KCNH8: variants seen among roughly 807,000 people sequenced by gnomAD.
KCNH8 encodes the protein voltage-gated delayed rectifier potassium channel KCNH8.
KCNH8 carries 70 observed loss-of-function variants against 103.6 expected under a neutral mutation model. The ratio of observed to expected loss-of-function variants is 0.68; its 90% CI spans 0.56 to 0.82. The LOEUF is 0.82. KCNH8 is among the 40% of genes least tolerant of loss of function. KCNH8 has a pLI of 0.00. For missense variants in KCNH8, 1,217 were observed against 1,329.9 expected (o/e 0.92, Z 1.32); for synonymous variants, 498 against 489.4 (o/e 1.02, Z -0.23).
chr3:19,286,572 G>A (rs1435071410), intron 3 of KCNH8, among the ~76,000 whole-genome samples: 2 of 152,100 alleles, frequency 1.3e-5, no homozygotes, highest in Non-Finnish European at 2.9e-5. Flanking sequence ...GGTGTCATTG[G>A]ATTGGTTCCA....
intron 15 of KCNH8, among the ~76,000 whole-genome samples, chr3:19,523,854 TTAATG>T (rs1376239885): frequency 6.6e-6 from 1 of 151,820 alleles, no homozygotes; most frequent in Non-Finnish European, 1.5e-5. Flanking sequence ...ATCCCCCAAT[TTAATG>T]TATTATATAT....
chr3:19,290,429 C>T (rs1405266162), intron 3 of KCNH8, among the ~76,000 whole-genome samples: 1 of 152,088 alleles, frequency 6.6e-6, no homozygotes, highest in African/African-American at 2.4e-5. Context: ...CCATCAATAC[C>T]TAATTTATTG....
At chr3:19,244,591 G>T (rs1245011367) in intron 1 of KCNH8, among the ~76,000 whole-genome samples, 1 of 152,138 alleles carries the variant, frequency 6.6e-6, no homozygotes, top group Non-Finnish European at 1.5e-5. Context: ...AACCAACAAT[G>T]TATAAGCATT....
At chr3:19,485,946 G>T (rs1480885480) in intron 11 of KCNH8, among the ~76,000 whole-genome samples, 6 of 152,150 alleles carry the variant, frequency 3.9e-5, no homozygotes, top group Non-Finnish European at 7.3e-5. Flanking sequence ...AATTAGAAAG[G>T]CATATCGAGA....
chr3:19,261,217 C>G (rs2064430928), intron 2 of KCNH8, among the ~76,000 whole-genome samples: 1 of 151,644 alleles, frequency 6.6e-6, no homozygotes, highest in African/African-American at 2.4e-5. Flanking sequence ...TTCCTACCAA[C>G]AGTTTAGAAG....
chr3:19,369,449 A>C (rs942363632), intron 5 of KCNH8, among the ~76,000 whole-genome samples: 8 of 151,640 alleles, frequency 5.3e-5, no homozygotes, highest in African/African-American at 1.5e-4. Flanking sequence ...CTAAATATTA[A>C]CCTTGATTCT....
chr3:19,216,229 T>C (rs1374964053), intron 1 of KCNH8, among the ~76,000 whole-genome samples: 1 of 152,170 alleles, frequency 6.6e-6, no homozygotes, highest in East Asian at 1.9e-4. Flanking sequence ...TTCTCTCCAT[T>C]CTAGGCAGGG....
intron 15 of KCNH8, among the ~76,000 whole-genome samples, chr3:19,526,159 A>T (rs941971968): frequency 6.6e-6 from 1 of 151,856 alleles, no homozygotes. Context: ...TATAATTAGT[A>T]CCCCTTAGGA....
intron 11 of KCNH8, among the ~76,000 whole-genome samples, chr3:19,507,289 G>T (rs920230671): frequency 5.9e-5 from 9 of 152,164 alleles, no homozygotes; most frequent in African/African-American, 1.9e-4. Context: ...TGACGGAGAG[G>T]CTGTTGATTG....
chr3:19,268,094 CCTT>C (rs2064538022), intron 2 of KCNH8, among the ~76,000 whole-genome samples: 1 of 152,094 alleles, frequency 6.6e-6, no homozygotes, highest in African/African-American at 2.4e-5. Flanking sequence ...TTGGGTCAGT[CCTT>C]CTGTTTTGCA....
chr3:19,443,845 G>A (rs1289724956), intron 8 of KCNH8, among the ~76,000 whole-genome samples: 1 of 152,020 alleles, frequency 6.6e-6, no homozygotes, highest in African/African-American at 2.4e-5. Flanking sequence ...CTAAAAATTT[G>A]TAAGACTTCT....
intron 1 of KCNH8, among the ~76,000 whole-genome samples, chr3:19,169,081 C>T (rs577588750): frequency 6.6e-6 from 1 of 152,208 alleles, no homozygotes; most frequent in South Asian, 2.1e-4. Context: ...ATAATTGTCA[C>T]TGTTTTATTA....
intron 5 of KCNH8, 112 bp from the exon 6 acceptor site, chr3:19,390,365 CTGCT>C (rs1194205125): frequency 5.4e-6 from 4 of 746,352 alleles, no homozygotes; most frequent in Non-Finnish European, 8.7e-6. Flanking sequence ...CCCTTCCTTC[CTGCT>C]TGTTTGCCTG....
rs1420906965 is a variant in KCNH8, at chr3:19,360,977, A to G, written c.811+13012A>G. ...CAGACATTAATATATGACAACAGAA[A>G]TTGGGAAATAGCTAACTCAGGTAAG... On this transcript the variant is annotated intron_variant, in intron 5 of 15. Coordinates refer to ENST00000328405, the MANE Select transcript of KCNH8 (RefSeq NM_144633.3). 3.3e-5 allele frequency among the ~76,000 whole-genome samples: 5 copies of G among 152,188 alleles called. No individual in the cohort carries two copies. The East Asian group carries it at 7.8e-4, about 24-fold the overall frequency.
Position 19,534,348 on chromosome 3 carries a change from A to T in KCNH8, c.*249A>T. On this transcript the variant is annotated 3_prime_UTR_variant, in exon 16 of 16. Coordinates refer to ENST00000328405, the MANE Select transcript of KCNH8 (RefSeq NM_144633.3). ...ACTGGTCTGTTTGACAGACTTTGGT[A>T]ACAATCCAAAGACCCTGAGGGTCTG... The T allele has an allele frequency of 2.0e-6, 1 of 504,728 alleles. No homozygotes were observed. The highest frequency in any genetic ancestry group is 3.1e-5 in the South Asian group (1 of 32,562). 31.3% of individuals were successfully genotyped at this position (504,728 alleles called of 1,614,324 possible). A position where few individuals can be genotyped will look rare whatever the true frequency, so the allele number is the denominator to read the frequency against.
chr3:19,303,945 T>C (rs1359200073), intron 3 of KCNH8, among the ~76,000 whole-genome samples: 2 of 152,144 alleles, frequency 1.3e-5, no homozygotes, highest in African/African-American at 4.8e-5. Flanking sequence ...GACTATCCAA[T>C]GCATCACTTT....
chr3:19,273,517 C>T (rs1313197165), intron 2 of KCNH8, among the ~76,000 whole-genome samples: 1 of 152,128 alleles, frequency 6.6e-6, no homozygotes, highest in Non-Finnish European at 1.5e-5. Flanking sequence ...TTGCTATTTT[C>T]AGTCTTAGCA....
intron 1 of KCNH8, among the ~76,000 whole-genome samples, chr3:19,252,031 G>GT (rs2064285112): frequency 6.6e-6 from 1 of 151,854 alleles, no homozygotes; most frequent in Admixed American, 6.6e-5. Context: ...AACACTGTTG[G>GT]TATACCAAGT....
chr3:19,409,397 C>G (rs901989509), intron 7 of KCNH8, among the ~76,000 whole-genome samples: 4 of 152,118 alleles, frequency 2.6e-5, no homozygotes, highest in African/African-American at 9.7e-5. Flanking sequence ...AGAATGATAA[C>G]TGCCGCTACA....
Sources: allele counts gnomAD v4.1 joint callset (sites outside exome capture counted in the v4.1 genomes callset), GRCh38; gene constraint gnomAD v4.1.1; transcripts MANE v1.5; gene names NCBI Gene and HGNC (gene_info 2026-07-23, HGNC 2026-07-21).